Variants in PPP2R5D observed in about 807,000 individuals in gnomAD.
PPP2R5D encodes the protein protein phosphatase 2 regulatory subunit B'delta.
In PPP2R5D, 12 loss-of-function variants were observed where a neutral mutation model predicts 79.1. The ratio of observed to expected loss-of-function variants is 0.15; its 90% CI spans 0.10 to 0.25. The LOEUF (loss-of-function observed/expected upper bound fraction) is 0.25, where lower values mean the gene tolerates loss of function less well. Ranked by LOEUF, PPP2R5D falls within the 10% of genes least tolerant of loss-of-function variation. PPP2R5D has a pLI of 1.00. For missense variants in PPP2R5D, 419 were observed against 760.2 expected (o/e 0.55, Z 5.28); for synonymous variants, 277 against 286.6 (o/e 0.97, Z 0.34).
At position 42,999,059 on chromosome 6, in the gene PPP2R5D, C is replaced by T. The variant is rs540575611; in HGVS notation, c.106-7404C>T. Among the ~76,000 whole-genome samples, 410 of 152,076 alleles carry T rather than the reference C, an allele frequency of 2.7e-3. 1 individual carries two copies. Among genetic ancestry groups the T allele is most frequent in the Non-Finnish European group, 4.9e-3 (333 of 67,968 alleles). ...CAAAATAAATAAATAAATAGAGTCC[C>T]GAAGTGAAACTGGGCAGGACAAAGT... On this transcript the variant is annotated intron_variant, in intron 2 of 15. Transcript: ENST00000485511.
At chr6:42,986,563 G>T (rs529515631) in intron 1 of PPP2R5D, among the ~76,000 whole-genome samples, 1 of 152,174 alleles carries the variant, frequency 6.6e-6, no homozygotes, top group East Asian at 1.9e-4. Context: ...TAGTGAGCTG[G>T]ACAGGGTTTT....
chr6:42,993,820 G>C (rs1455271759), intron 2 of PPP2R5D, among the ~76,000 whole-genome samples: 1 of 152,172 alleles, frequency 6.6e-6, no homozygotes, highest in Non-Finnish European at 1.5e-5. Flanking sequence ...CTGTTTCCAA[G>C]TAAGGTCACA....
chr6:42,986,805 T>C (rs1032813566), intron 1 of PPP2R5D, among the ~76,000 whole-genome samples: 2 of 150,986 alleles, frequency 1.3e-5, no homozygotes, highest in African/African-American at 4.9e-5. Context: ...AAATTGCCAG[T>C]GAGATTTGCT....
chr6:43,004,836 A>C (rs1304924966), intron 2 of PPP2R5D, among the ~76,000 whole-genome samples: 4 of 150,672 alleles, frequency 2.7e-5, no homozygotes, highest in East Asian at 2.0e-4. Context: ...GCTCACTGCA[A>C]CCTCCTGGGT....
chr6:43,005,284 T>C (rs1361528655), intron 2 of PPP2R5D, among the ~76,000 whole-genome samples: 3 of 152,096 alleles, frequency 2.0e-5, no homozygotes, highest in Non-Finnish European at 2.9e-5. Flanking sequence ...CTTTTTAAAT[T>C]TGAAAATTTT....
chr6:42,986,196 A>C (rs537362140), intron 1 of PPP2R5D, among the ~76,000 whole-genome samples: 1 of 151,962 alleles, frequency 6.6e-6, no homozygotes, highest in South Asian at 2.1e-4. Context: ...CTGAGGTCTG[A>C]CTCAGAGGTG....
Position 43,008,524 on chromosome 6 carries a change from G to C in PPP2R5D, c.1026+49G>C. ...TGTCCAACTCAGGCAGCAGAGAAAA[G>C]AGCCGGCAGGAAAGTGTTCCAGCTG... On this transcript the variant is annotated intron_variant, in intron 9 of 15. Transcript: ENST00000485511. The surrounding 1 kb of genome is among the most constrained non-coding windows in gnomAD (Gnocchi z 4.2). The C allele has an allele frequency of 1.9e-6, 3 of 1,549,698 alleles. No individual in the cohort carries two copies. In the South Asian group the frequency reaches 3.3e-5, roughly 17 times the overall value.
At chr6:42,996,469 T>TAA (rs1232209004) in intron 2 of PPP2R5D, among the ~76,000 whole-genome samples, 1 of 99,468 alleles carries the variant, frequency 1.0e-5, no homozygotes, top group African/African-American at 4.1e-5. Flanking sequence ...GTCTCAAAAA[T>TAA]AAAAAAAAAT....
At chr6:42,998,051 ATATATATTTTTTTTTTTTTTTTTTTTTT>A (rs1771904423) in intron 2 of PPP2R5D, among the ~76,000 whole-genome samples, 2 of 19,070 alleles carry the variant, frequency 1.0e-4, no homozygotes, top group African/African-American at 3.8e-4. Flanking sequence ...ATATATATAT[ATATATATTTTTTTTTTTTTTTTTTTTTT>A]TTTTTTTTTT....
rs1385193659 is a variant in PPP2R5D, at chr6:42,984,660, G to C, written c.-18G>C. 3.1e-6 allele frequency: 5 copies of C among 1,599,602 alleles called. No individual in the cohort carries two copies. The highest frequency in any genetic ancestry group is 4.3e-6 in the Non-Finnish European group (5 of 1,174,308). On this transcript the variant is annotated 5_prime_UTR_variant, in exon 1 of 16. Transcript: ENST00000485511. ...GGAGCGGGGCCGCAGGAGACGGGCC[G>C]GGTCCGGACGGGCCGAGATGCCCTA... is the stretch of plus-strand genomic sequence containing the variant.
intron 2 of PPP2R5D, among the ~76,000 whole-genome samples, chr6:42,995,206 C>A (rs1489324438): frequency 6.8e-6 from 1 of 147,300 alleles, no homozygotes; most frequent in Non-Finnish European, 1.5e-5. Flanking sequence ...TCATGGCTCA[C>A]TGCAGCCTCA....
intron 2 of PPP2R5D, among the ~76,000 whole-genome samples, chr6:42,993,470 TCAAAAAA>T (rs1263335380): frequency 6.6e-6 from 1 of 152,092 alleles, no homozygotes; most frequent in Non-Finnish European, 1.5e-5. Context: ...AAACTCTGTC[TCAAAAAA>T]CAAAAAACAA....
intron 2 of PPP2R5D, among the ~76,000 whole-genome samples, chr6:42,998,042 T>C (rs1342844151): frequency 1.1e-4 from 3 of 27,494 alleles, no homozygotes; most frequent in South Asian, 1.6e-3. Context: ...TATATATATA[T>C]ATATATATAT....
At position 43,007,572 on chromosome 6, in the gene PPP2R5D, G is replaced by T. The variant is rs141794401; in HGVS notation, c.726+66G>T. ...CCATGCCCCCTTCATCTGTGTCCCAGTGGCTCTTTCCCCTTAAGCTGAATA... is the reference window on the plus strand; with the variant it reads ...CCATGCCCCCTTCATCTGTGTCCCATTGGCTCTTTCCCCTTAAGCTGAATA... On this transcript the variant is annotated intron_variant, in intron 6 of 15. Coordinates refer to ENST00000485511, the MANE Select transcript of PPP2R5D (RefSeq NM_006245.4). The surrounding 1 kb of genome is among the most constrained non-coding windows in gnomAD (Gnocchi z 4.5). 21,350 of 1,421,650 alleles carry T rather than the reference G, an allele frequency of 0.015. 200 individuals carry two copies. Among genetic ancestry groups the T allele is most frequent in the Non-Finnish European group, 0.019 (18,637 of 1,006,272 alleles). 88.1% of individuals were successfully genotyped at this position (1,421,650 alleles called of 1,614,324 possible).
rs114970216 is a variant in PPP2R5D at position 43,009,354 on chromosome 6, T to C, written c.1284T>C (p.Asn428=). The C allele has an allele frequency of 7.5e-3, 12,045 of 1,613,872 alleles. 48 individuals are homozygous for C. The highest frequency in any genetic ancestry group is 9.1e-3 in the Non-Finnish European group (10,692 of 1,179,980). The change falls in exon 12 of 16, where the codon AAT becomes AAC. Residue 428 remains asparagine (N), a synonymous_variant. Transcript: ENST00000485511. This position sits in a 1 kb window ranked among gnomAD's most constrained non-coding sequence, Gnocchi z 5.6. ...VAERALYYWN[N]EYIMSLISDN... ...AGCGTGCTCTCTATTACTGGAACAA[T>C]GAGTACATCATGAGCCTGATAAGTG...
At chr6:42,988,637 C>G (rs1347605848) in intron 1 of PPP2R5D, among the ~76,000 whole-genome samples, 2 of 152,344 alleles carry the variant, frequency 1.3e-5, no homozygotes, top group Non-Finnish European at 2.9e-5. Context: ...TTTGAATCCA[C>G]TCCCAGTATG....
At position 43,011,251 on chromosome 6, in the gene PPP2R5D, G is replaced by C. The variant is rs759962644; in HGVS notation, c.1774G>C (p.Glu592Gln). ...IKALEAHKRA[E>Q]EFLTASQEAL ...GGCACTGGAGGCGCACAAGCGGGCG[G>C]AAGAGTTCCTAACTGCCAGCCAGGA... Residue 592 changes from glutamate to glutamine, a missense_variant, in exon 16 of 16, where the codon GAA (glutamate) becomes CAA (glutamine). Physicochemically the swap from Glu to Gln is conservative, Grantham distance 29. Transcript: ENST00000485511. 6.2e-7 allele frequency: 1 copy of C among 1,614,040 alleles called. No individual in the cohort carries two copies. Among genetic ancestry groups the C allele is most frequent in the South Asian group, 1.1e-5 (1 of 91,080 alleles).
In PPP2R5D at chr6:43,007,643, A is replaced by AAAAACAAAAC. The variant is rs1206202430; in HGVS notation, c.726+148_726+157dup. 2.1e-6 allele frequency: 2 copies of AAAAACAAAAC among 966,330 alleles called. No homozygotes were observed. Among genetic ancestry groups the AAAAACAAAAC allele is most frequent in the African/African-American group, 3.3e-5 (2 of 60,700 alleles). 59.9% of individuals were successfully genotyped at this position (966,330 alleles called of 1,614,324 possible). ...TGGTACGAGGAGGCTATAAAGGGTA[A>AAAAACAAAAC]AAAACAAAACAAAACAAAACCCTAC... On this transcript the variant is annotated intron_variant, in intron 6 of 15. Coordinates refer to ENST00000485511, the MANE Select transcript of PPP2R5D (RefSeq NM_006245.4). This position sits in a 1 kb window ranked among gnomAD's most constrained non-coding sequence, Gnocchi z 4.5.
chr6:42,999,957 A>T (rs1481816965), intron 2 of PPP2R5D, among the ~76,000 whole-genome samples: 2 of 151,322 alleles, frequency 1.3e-5, no homozygotes, highest in African/African-American at 4.9e-5. Context: ...TTTTTTTGAG[A>T]TGGAGTCTTG....
Sources: gnomAD v4.1 joint callset for allele counts (sites outside exome capture counted in the v4.1 genomes callset) on GRCh38, gnomAD v4.1.1 for gene constraint, Gnocchi (gnomAD v3.1) non-coding constraint, MANE v1.5 for transcripts, NCBI Gene and HGNC (gene_info 2026-07-23, HGNC 2026-07-21) for gene names.